Variants in AKAP6 observed in about 807,000 individuals in gnomAD.
AKAP6 encodes A-kinase anchor protein 6.
In AKAP6, 58 loss-of-function variants were observed where a neutral mutation model predicts 188.5. The observed-to-expected ratio is 0.31, with a 90% CI of 0.25 to 0.38. The LOEUF (loss-of-function observed/expected upper bound fraction) is 0.38, where lower values mean the gene tolerates loss of function less well. AKAP6 is among the 10% of genes least tolerant of loss of function. The pLI is 1.00. For missense variants in AKAP6, 2,710 were observed against 2,740.0 expected (o/e 0.99, Z 0.24); for synonymous variants, 989 against 998.6 (o/e 0.99, Z 0.18).
At position 32,531,538 on chromosome 14, in the gene AKAP6, G is replaced by T. The variant is rs115794492; in HGVS notation, c.325-4016G>T. Among the ~76,000 whole-genome samples, 1,049 of 152,104 alleles carry T rather than the reference G, an allele frequency of 6.9e-3. 8 individuals are homozygous for T. Among genetic ancestry groups the T allele is most frequent in the African/African-American group, 0.024 (984 of 41,484 alleles). On this transcript the variant is annotated intron_variant, in intron 2 of 13. Coordinates refer to ENST00000280979, the MANE Select transcript of AKAP6 (RefSeq NM_004274.5). ...TACAGCAGAGTTGACTTTCTTTTTGGTGTACAGCTTAACCCATGTGTAGAT... is the reference window on the plus strand; with the variant it reads ...TACAGCAGAGTTGACTTTCTTTTTGTTGTACAGCTTAACCCATGTGTAGAT...
intron 12 of AKAP6, among the ~76,000 whole-genome samples, chr14:32,776,586 T>C (rs1333885934): frequency 6.6e-6 from 1 of 152,254 alleles, no homozygotes; most frequent in Non-Finnish European, 1.5e-5. Context: ...TTGCACATAG[T>C]AGGTCTACAA....
At chr14:32,629,160 TA>T (rs1365800740) in intron 7 of AKAP6, among the ~76,000 whole-genome samples, 1 of 152,098 alleles carries the variant, frequency 6.6e-6, no homozygotes, top group African/African-American at 2.4e-5. Context: ...CGTCCATACC[TA>T]AAACCCTTTG....
intron 2 of AKAP6, among the ~76,000 whole-genome samples, chr14:32,513,528 G>T (rs866896750): frequency 2.0e-5 from 3 of 152,182 alleles, no homozygotes; most frequent in Admixed American, 6.5e-5. Context: ...GGGAATCTGA[G>T]GATCCTGCTG....
intron 13 of AKAP6, among the ~76,000 whole-genome samples, chr14:32,828,652 G>A (rs1044602625): frequency 2.0e-5 from 3 of 152,088 alleles, no homozygotes; most frequent in African/African-American, 7.2e-5. Context: ...TGATTACCTA[G>A]AGAGAATTTA....
At chr14:32,385,783 G>A (rs1888513787) in intron 1 of AKAP6, among the ~76,000 whole-genome samples, 1 of 150,600 alleles carries the variant, frequency 6.6e-6, no homozygotes, top group Non-Finnish European at 1.5e-5. Context: ...ATATATATGA[G>A]ATATATGTAT....
At chr14:32,752,348 G>C (rs1273371977) in intron 11 of AKAP6, among the ~76,000 whole-genome samples, 2 of 152,164 alleles carry the variant, frequency 1.3e-5, no homozygotes, top group Non-Finnish European at 2.9e-5. Flanking sequence ...GTCTTGCAGA[G>C]CATGTTTCAA....
At position 32,821,960 on chromosome 14, in the gene AKAP6, C is replaced by G; in HGVS notation, c.4147C>G (p.Leu1383Val). The change falls in exon 13 of 14, where the codon CTC (leucine) becomes GTC (valine). Residue 1383 changes from leucine to valine, a missense_variant. Transcript: ENST00000280979. ...ETTTNSEMCL[L>V]NAVDGSPSNL... ...CACTACCAACTCTGAAATGTGCTTG[C>G]TCAATGCAGTGGATGGGTCCCCAAG... 2 of 1,613,984 alleles carry G rather than the reference C, an allele frequency of 1.2e-6. No homozygotes were observed. The highest frequency in any genetic ancestry group is 2.2e-5 in the East Asian group (1 of 44,874).
At chr14:32,579,270 A>G (rs1471464206) in intron 5 of AKAP6, among the ~76,000 whole-genome samples, 1 of 152,154 alleles carries the variant, frequency 6.6e-6, no homozygotes, top group African/African-American at 2.4e-5. Context: ...CCACCAGTAT[A>G]AAGATCCACA....
chr14:32,402,820 C>G (rs935253941), intron 1 of AKAP6, among the ~76,000 whole-genome samples: 1 of 151,842 alleles, frequency 6.6e-6, no homozygotes, highest in Admixed American at 6.6e-5. Context: ...ACCTCTGCTT[C>G]ATGGGCTCCA....
At chr14:32,803,192 C>T (rs2033996760) in intron 12 of AKAP6, among the ~76,000 whole-genome samples, 1 of 151,322 alleles carries the variant, frequency 6.6e-6, no homozygotes, top group African/African-American at 2.4e-5. Flanking sequence ...GCCTGTAATC[C>T]CAGCACTTTG....
At chr14:32,604,056 G>A (rs552662999) in intron 7 of AKAP6, among the ~76,000 whole-genome samples, 1 of 152,232 alleles carries the variant, frequency 6.6e-6, no homozygotes, top group Non-Finnish European at 1.5e-5. Flanking sequence ...AATGATTAAG[G>A]TGCCTTACTT....
At chr14:32,809,196 A>T (rs1404902889) in intron 12 of AKAP6, among the ~76,000 whole-genome samples, 1 of 152,164 alleles carries the variant, frequency 6.6e-6, no homozygotes, top group African/African-American at 2.4e-5. Flanking sequence ...AATAAAACAG[A>T]CAGAGACAAC....
intron 2 of AKAP6, among the ~76,000 whole-genome samples, chr14:32,457,258 T>C (rs2138806501): frequency 6.6e-6 from 1 of 152,222 alleles, no homozygotes; most frequent in African/African-American, 2.4e-5. Flanking sequence ...ATAGAAAAGG[T>C]AGATATTGAT....
In AKAP6 at chr14:32,835,070, T is replaced by A. The variant is rs1281770446; in HGVS notation, c.*5265T>A. On this transcript the variant is annotated 3_prime_UTR_variant, in exon 14 of 14. Transcript: ENST00000280979. ...CACATTTGTTTCCATAGTCTACGGATGCTTTGACACTATACAAAGTTACGT... is the reference window on the plus strand; with the variant it reads ...CACATTTGTTTCCATAGTCTACGGAAGCTTTGACACTATACAAAGTTACGT... The A allele has an allele frequency of 6.6e-6, 1 of 152,232 alleles. No individual in the cohort carries two copies. Among genetic ancestry groups the A allele is most frequent in the Non-Finnish European group, 1.5e-5 (1 of 68,028 alleles). The allele number at this position is 152,232 out of a possible 1,614,324, so 9.4% of individuals were successfully genotyped here.
At chr14:32,346,315 C>T (rs1380504131) in intron 1 of AKAP6, among the ~76,000 whole-genome samples, 1 of 152,168 alleles carries the variant, frequency 6.6e-6, no homozygotes, top group African/African-American at 2.4e-5. Flanking sequence ...AGAAATGTAG[C>T]ACATTACCAA....
chr14:32,433,561 C>A lies in AKAP6; in HGVS notation c.68C>A (p.Ala23Asp). ...GACCTGGATCCCATGGCTACTGATG[C>A]TTCACCCATGGCCATCAACATGACA... ...SQDLDPMATD[A>D]SPMAINMTPT... Residue 23 changes from alanine (A) to aspartate (D), a missense_variant, in exon 2 of 14, where the codon GCT becomes GAT. Physicochemically the swap from Ala to Asp is moderately radical, Grantham distance 126. Around this residue, in one of 2 missense-constraint regions of AKAP6, gnomAD observed 237 missense variants for 313.9 expected, o/e 0.76. Transcript: ENST00000280979. The A allele has an allele frequency of 1.2e-6, 2 of 1,614,170 alleles. No individual in the cohort carries two copies. The highest frequency in any genetic ancestry group is 1.7e-6 in the Non-Finnish European group (2 of 1,180,040).
intron 2 of AKAP6, among the ~76,000 whole-genome samples, chr14:32,460,756 G>A (rs1221770828): frequency 6.6e-6 from 1 of 152,210 alleles, no homozygotes; most frequent in Non-Finnish European, 1.5e-5. Context: ...TGAAGCCAAG[G>A]AGCCAAGTGG....
intron 12 of AKAP6, among the ~76,000 whole-genome samples, chr14:32,774,337 G>A (rs145653247): frequency 6.6e-6 from 1 of 152,252 alleles, no homozygotes; most frequent in East Asian, 1.9e-4. Context: ...ATAATACAAC[G>A]AAATAAAGTA....
chr14:32,370,851 G>A (rs931208243), intron 1 of AKAP6, among the ~76,000 whole-genome samples: 16 of 152,148 alleles, frequency 1.1e-4, no homozygotes, highest in Admixed American at 3.9e-4. Context: ...TGCCTTATTC[G>A]TTGTGTATTC....
Sources: allele counts gnomAD v4.1 joint callset (sites outside exome capture counted in the v4.1 genomes callset), GRCh38; gene constraint gnomAD v4.1.1; regional missense constraint gnomAD v4.1.1; transcripts MANE v1.5; gene names NCBI Gene and HGNC (gene_info 2026-07-23, HGNC 2026-07-21).